ZNF7: variants seen among roughly 807,000 people sequenced by gnomAD.
The protein encoded by ZNF7 is zinc finger protein 7.
In ZNF7, 10 loss-of-function variants were observed where a neutral mutation model predicts 12.0. The ratio of observed to expected loss-of-function variants is 0.83; its 90% CI spans 0.51 to 1.42. The LOEUF (loss-of-function observed/expected upper bound fraction) is 1.42. Ranked by LOEUF, ZNF7 falls within the 40% of genes most tolerant of loss-of-function variation. The pLI is 0.00. For synonymous variants in ZNF7, 334 were observed against 295.0 expected (o/e 1.13, Z -1.35); for missense variants, 854 against 837.2 (o/e 1.02, Z -0.25).
chr8:144,828,429 C>T (rs1396382238), intron 1 of ZNF7, among the ~76,000 whole-genome samples: 2 of 143,764 alleles, frequency 1.4e-5, no homozygotes, highest in Admixed American at 6.9e-5. Context: ...CCTTCTCCAA[C>T]CTCCAGTCGC....
intron 3 of ZNF7, among the ~76,000 whole-genome samples, chr8:144,832,605 G>A (rs777234177): frequency 7.9e-5 from 12 of 151,970 alleles, no homozygotes; most frequent in Admixed American, 3.3e-4. Context: ...GCGGGTGGTT[G>A]TAATCTTGGC....
Position 144,843,142 on chromosome 8 carries a change from C to T in ZNF7, c.2035C>T (p.Gln679Ter), listed in dbSNP as rs1383229965. ...KAFNRSSRLTQHQKIHMG is the reference protein window; with the variant it reads ...KAFNRSSRLT ...TTTTAATCGTAGCTCAAGGCTTACC[C>T]AGCATCAAAAAATTCACATGGGATA... The change falls in exon 5 of 5, where the codon CAG becomes TAG. Residue 679 changes from glutamine (Q) to a stop codon, truncating the protein, a stop_gained. Transcript: ENST00000532777. LOFTEE classifies it high-confidence loss of function. 6.3e-7 allele frequency: 1 copy of T among 1,593,216 alleles called. No homozygotes were observed. Among genetic ancestry groups the T allele is most frequent in the Non-Finnish European group, 8.5e-7 (1 of 1,171,908 alleles).
intron 4 of ZNF7, chr8:144,838,056 G>GCC (rs34966207): frequency 2.8e-6 from 2 of 702,532 alleles, no homozygotes; most frequent in African/African-American, 1.7e-5. Flanking sequence ...GCAGGGCCGT[G>GCC]CCCCCCTGTG....
chr8:144,839,241 C>T (rs867731198), intron 4 of ZNF7, among the ~76,000 whole-genome samples: 4 of 152,050 alleles, frequency 2.6e-5, no homozygotes, highest in South Asian at 2.1e-4. Context: ...ATTCATATGC[C>T]CCTAGGCAGC....
In ZNF7 at chr8:144,841,962, A is replaced by G; in HGVS notation, c.855A>G (p.Lys285=). 1 of 1,614,168 alleles carries G rather than the reference A, an allele frequency of 6.2e-7. No individual in the cohort carries two copies. The highest frequency in any genetic ancestry group is 8.5e-7 in the Non-Finnish European group (1 of 1,180,028). The change falls in exon 5 of 5, where the codon AAA becomes AAG. Residue 285 remains lysine, a synonymous_variant. Transcript: ENST00000532777. ...CCTTTAAATGCACTGAGTGTGGAAAAGCCTTCCGCCTGAGCTCAAAACTTA... is the reference window on the plus strand; with the variant it reads ...CCTTTAAATGCACTGAGTGTGGAAAGGCCTTCCGCCTGAGCTCAAAACTTA... ...EKPFKCTECG[K]AFRLSSKLIQ...
intron 3 of ZNF7, chr8:144,831,006 C>A: frequency 2.2e-6 from 1 of 456,330 alleles, no homozygotes; most frequent in Non-Finnish European, 4.4e-6. Flanking sequence ...TGGGCCTGGC[C>A]ATCTAGAGGT....
chr8:144,839,588 C>CA (rs1350524707), intron 4 of ZNF7, among the ~76,000 whole-genome samples: 7 of 152,192 alleles, frequency 4.6e-5, no homozygotes, highest in Non-Finnish European at 7.3e-5. Flanking sequence ...AAAGCAACAA[C>CA]AAAAAAATAG....
chr8:144,837,841 A>G lies in ZNF7; in HGVS notation c.247+334A>G, dbSNP rs1375940512. 2.0e-5 allele frequency among the ~76,000 whole-genome samples: 3 copies of G among 152,188 alleles called. No homozygotes were observed. In the East Asian group the frequency reaches 5.8e-4, roughly 29 times the overall value. On this transcript the variant is annotated intron_variant, in intron 4 of 4. Coordinates refer to ENST00000532777, the MANE Select transcript of ZNF7 (RefSeq NM_003416.4). ...GATACAAACCTATGGATCCAAGTGA[A>G]GGGTTAGGTTTGGCATTCAGTAACC...
At chr8:144,829,768 GC>G in intron 3 of ZNF7, 164 bp downstream of exon 3, 1 of 918,742 alleles carries the variant, frequency 1.1e-6, no homozygotes, top group Non-Finnish European at 1.5e-6. Flanking sequence ...TCCTAGCTTT[GC>G]CCATGTCATG....
intron 3 of ZNF7, chr8:144,835,844 C>G (rs1828922621): frequency 1.3e-5 from 2 of 152,112 alleles, no homozygotes; most frequent in African/African-American, 4.8e-5. Context: ...TTACTGCAGC[C>G]TGGACTGCCT....
chr8:144,837,458 CG>C lies in ZNF7; in HGVS notation c.199del (p.Asp67ThrfsTer34). ...LEQGEEPWVL[D>X]LQGAEGTEAP... ...AGCAGGGAGAAGAGCCATGGGTCCT[CG>C]ACCTGCAGGGAGCAGAGGGGACAGA... On this transcript the variant is annotated frameshift_variant, in exon 4 of 5. Coordinates refer to ENST00000532777, the MANE Select transcript of ZNF7 (RefSeq NM_003416.4). LOFTEE classifies it low-confidence loss of function (END_TRUNC). 6.2e-7 allele frequency: 1 copy of C among 1,613,180 alleles called. No homozygotes were observed. The highest frequency in any genetic ancestry group is 8.5e-7 in the Non-Finnish European group (1 of 1,179,244).
chr8:144,845,458 C>G (rs1830460263), downstream of ZNF7, among the ~76,000 whole-genome samples: 1 of 152,078 alleles, frequency 6.6e-6, no homozygotes, highest in East Asian at 1.9e-4. Flanking sequence ...TTGGCACATG[C>G]AGGAACATGG....
At position 144,837,880 on chromosome 8, in the gene ZNF7, G is replaced by T. The variant is rs1279979085; in HGVS notation, c.247+373G>T. On this transcript the variant is annotated intron_variant, in intron 4 of 4. Coordinates refer to ENST00000532777, the MANE Select transcript of ZNF7 (RefSeq NM_003416.4). ...CATTCAGTAACCTCTCCTCGGGTAA[G>T]CATATTCCCTGAGGCAGCTCCCTTC... The T allele has an allele frequency of 3.3e-5, 19 of 574,406 alleles. No homozygotes were observed. The East Asian group carries it at 4.8e-4, about 14-fold the overall frequency. The allele number at this position is 574,406 out of a possible 1,614,324, so 35.6% of individuals were successfully genotyped here.
chr8:144,844,907 G>A (rs953135249), downstream of ZNF7, among the ~76,000 whole-genome samples: 1 of 151,022 alleles, frequency 6.6e-6, no homozygotes, highest in Admixed American at 6.6e-5. Flanking sequence ...TGGGGAAAGA[G>A]GACTCTGGGG....
In ZNF7 at chr8:144,842,715, G is replaced by C; in HGVS notation, c.1608G>C (p.Met536Ile). The change falls in exon 5 of 5, where the codon ATG becomes ATC. Residue 536 changes from methionine to isoleucine, a missense_variant. Transcript: ENST00000532777. The part of the protein sequence containing the change: ...ECLQCGKAFS[M>I]STQLTIHQRV... ...TCCAATGCGGAAAAGCCTTCAGTAT[G>C]AGCACACAGCTTACAATACATCAAA... is the stretch of plus-strand genomic sequence containing the variant. 1.2e-6 allele frequency: 2 copies of C among 1,614,140 alleles called. No homozygotes were observed. Among genetic ancestry groups the C allele is most frequent in the Non-Finnish European group, 1.7e-6 (2 of 1,180,024 alleles).
chr8:144,844,782 G>GAA (rs1419128843), downstream of ZNF7, among the ~76,000 whole-genome samples: 1 of 150,410 alleles, frequency 6.6e-6, no homozygotes, highest in Admixed American at 6.6e-5. Flanking sequence ...AATATGGGGA[G>GAA]AAGAACCTGA....
Position 144,842,116 on chromosome 8 carries a change from C to T in ZNF7, c.1009C>T (p.Arg337Cys), listed in dbSNP as rs371582136. ...IHTGERPYGC[R>C]ECGKAFSQQS... Reference sequence around the variant, plus strand: ...CACAGGAGAGAGGCCCTATGGTTGTCGTGAGTGTGGGAAAGCCTTCAGCCA... The same window carrying T: ...CACAGGAGAGAGGCCCTATGGTTGTTGTGAGTGTGGGAAAGCCTTCAGCCA... Residue 337 changes from arginine (R) to cysteine (C), a missense_variant, in exon 5 of 5, where the codon CGT becomes TGT. Transcript: ENST00000532777. The T allele has an allele frequency of 2.1e-5, 34 of 1,613,626 alleles. No individual in the cohort carries two copies. Among genetic ancestry groups the T allele is most frequent in the Non-Finnish European group, 2.8e-5 (33 of 1,179,930 alleles).
At position 144,843,451 on chromosome 8, in the gene ZNF7, G is replaced by A. The variant is rs569134801; in HGVS notation, c.*283G>A. On this transcript the variant is annotated 3_prime_UTR_variant, in exon 5 of 5. Coordinates refer to ENST00000532777, the MANE Select transcript of ZNF7 (RefSeq NM_003416.4). ...AAAATACAAAAATTTAGCTGGGCGTGGTGGCAGGCACCTGTGGTCCCAGCT... is the reference window on the plus strand; with the variant it reads ...AAAATACAAAAATTTAGCTGGGCGTAGTGGCAGGCACCTGTGGTCCCAGCT... The A allele has an allele frequency of 4.3e-5, 11 of 252,964 alleles. No homozygotes were observed. Among genetic ancestry groups the A allele is most frequent in the East Asian group, 1.7e-4 (2 of 11,768 alleles). The allele number at this position is 252,964 out of a possible 1,614,324, so 15.7% of individuals were successfully genotyped here.
At chr8:144,828,260 C>A (rs1014419035) in intron 1 of ZNF7, among the ~76,000 whole-genome samples, 1 of 152,188 alleles carries the variant, frequency 6.6e-6, no homozygotes, top group Non-Finnish European at 1.5e-5. Context: ...GGTCTGGGGT[C>A]ATTGGCTTAA....
Sources: gnomAD v4.1 joint callset for allele counts (sites outside exome capture counted in the v4.1 genomes callset) on GRCh38, gnomAD v4.1.1 for gene constraint, MANE v1.5 for transcripts, NCBI Gene and HGNC (gene_info 2026-07-23, HGNC 2026-07-21) for gene names.